QSER1: variants seen among roughly 807,000 people sequenced by gnomAD.
QSER1 encodes glutamine and serine-rich protein 1.
QSER1 carries 49 observed loss-of-function variants against 158.5 expected under a neutral mutation model. The ratio of observed to expected loss-of-function variants is 0.31; its 90% CI spans 0.25 to 0.39. The LOEUF (loss-of-function observed/expected upper bound fraction) is 0.39. Ranked by LOEUF, QSER1 falls within the 10% of genes least tolerant of loss-of-function variation. QSER1 has a pLI of 1.00. For synonymous variants in QSER1, 650 were observed against 715.5 expected (o/e 0.91, Z 1.46); for missense variants, 1,754 against 2,010.3 (o/e 0.87, Z 2.44).
rs2133551510 is a variant in QSER1 at position 32,934,743 on chromosome 11, G to A, written c.3485G>A (p.Gly1162Asp). The change falls in exon 4 of 13, where the codon GGT (glycine) becomes GAT (aspartate). Residue 1162 changes from glycine (G) to aspartate (D), a missense_variant. Around this residue, in one of 2 missense-constraint regions of QSER1, gnomAD observed 1,707 missense variants for 1,919.6 expected, o/e 0.89. Transcript: ENST00000650167. The stretch of plus-strand genomic sequence containing the variant: ...TTTACCTTAGGGGGTGACGACAGTG[G>A]TGTGTCAATGAACCCAGCTAGGAGT... The part of the protein sequence containing the change: ...SEFTLGGDDS[G>D]VSMNPARSAL... 6.2e-7 allele frequency: 1 copy of A among 1,613,940 alleles called. No individual in the cohort carries two copies. The highest frequency in any genetic ancestry group is 1.3e-5 in the African/African-American group (1 of 75,052).
intron 1 of QSER1, among the ~76,000 whole-genome samples, chr11:32,923,588 G>A (rs994488747): frequency 2.0e-5 from 3 of 151,908 alleles, no homozygotes; most frequent in Non-Finnish European, 4.4e-5. Flanking sequence ...TGAGGCAGGA[G>A]AATTGCTTGA....
At chr11:32,907,832 T>G (rs1851713530) in intron 1 of QSER1, among the ~76,000 whole-genome samples, 1 of 152,212 alleles carries the variant, frequency 6.6e-6, no homozygotes, top group Non-Finnish European at 1.5e-5. Context: ...GCACGGTGGC[T>G]CATGCCTGTA....
rs764132165 is a variant in QSER1 at position 32,935,243 on chromosome 11, CCCA to C, written c.3987_3989del (p.Thr1330del). On this transcript the variant is annotated inframe_deletion, in exon 4 of 13. Transcript: ENST00000650167. Reference sequence around the variant, plus strand: ...ACTTCCCAAGCCTTCATCTACAACACCCACACCTTTAGTGTCTGAAACTGGCGG... The same window carrying C: ...ACTTCCCAAGCCTTCATCTACAACACCACCTTTAGTGTCTGAAACTGGCGG... 6.2e-6 allele frequency: 10 copies of C among 1,613,856 alleles called. No homozygotes were observed. The African/African-American group carries it at 6.7e-5, about 11-fold the overall frequency.
intron 1 of QSER1, among the ~76,000 whole-genome samples, chr11:32,912,936 A>C (rs1015897679): frequency 5.9e-5 from 9 of 152,032 alleles, no homozygotes; most frequent in Non-Finnish European, 1.3e-4. Context: ...TTTAACTCTT[A>C]CTAAAATTCT....
chr11:32,930,941 A>T (rs1364726777), intron 3 of QSER1, among the ~76,000 whole-genome samples: 1 of 152,216 alleles, frequency 6.6e-6, no homozygotes, highest in African/African-American at 2.4e-5. Flanking sequence ...ACATGCATCT[A>T]TTATGATTGG....
intron 1 of QSER1, among the ~76,000 whole-genome samples, chr11:32,895,604 T>C (rs1434612808): frequency 6.6e-6 from 1 of 152,216 alleles, no homozygotes; most frequent in African/African-American, 2.4e-5. Flanking sequence ...TTTGTGGCAG[T>C]TTCTTGTGAA....
At chr11:32,925,638 G>A (rs150788843) in intron 1 of QSER1, among the ~76,000 whole-genome samples, 3,608 of 151,708 alleles carry the variant, frequency 0.024, 69 homozygotes, top group African/African-American at 0.054. Context: ...AGTGATTCTC[G>A]TGCCTCAACC....
At chr11:32,912,588 G>A (rs1851781191) in intron 1 of QSER1, among the ~76,000 whole-genome samples, 1 of 151,894 alleles carries the variant, frequency 6.6e-6, no homozygotes, top group Non-Finnish European at 1.5e-5. Flanking sequence ...CTAACCAGGC[G>A]ATGCTGATGA....
intron 1 of QSER1, among the ~76,000 whole-genome samples, chr11:32,898,216 C>T (rs934085111): frequency 2.6e-5 from 4 of 152,204 alleles, no homozygotes; most frequent in African/African-American, 9.6e-5. Context: ...CGTGATATCT[C>T]ACGCCTGTAA....
At chr11:32,899,173 A>G (rs1359316331) in intron 1 of QSER1, among the ~76,000 whole-genome samples, 1 of 152,180 alleles carries the variant, frequency 6.6e-6, no homozygotes, top group Non-Finnish European at 1.5e-5. Context: ...TTTTGCTGTT[A>G]TATTTGTAGT....
rs908357556 is a variant in QSER1, at chr11:32,977,202, T to G, written c.*728T>G. 1.3e-5 allele frequency: 2 copies of G among 152,648 alleles called. No individual in the cohort carries two copies. Among genetic ancestry groups the G allele is most frequent in the Non-Finnish European group, 2.9e-5 (2 of 68,050 alleles). The allele number at this position is 152,648 out of a possible 1,614,324, so 9.5% of individuals were successfully genotyped here. ...AAAATTTTCAATTGTACATTTTATT[T>G]CACTGATAGTTGTATTTTTCACAAG... On this transcript the variant is annotated 3_prime_UTR_variant, in exon 13 of 13. Transcript: ENST00000650167.
chr11:32,965,353 A>C (rs1270804516), intron 8 of QSER1, among the ~76,000 whole-genome samples: 5 of 152,066 alleles, frequency 3.3e-5, no homozygotes, highest in Admixed American at 3.3e-4. Context: ...GGGCTCAAGC[A>C]GTCCTCCCAC....
At chr11:32,952,098 C>T (rs1296911094) in intron 4 of QSER1, among the ~76,000 whole-genome samples, 1 of 152,156 alleles carries the variant, frequency 6.6e-6, no homozygotes, top group African/African-American at 2.4e-5. Context: ...CCTCAGCCTC[C>T]CAAAGTGCTG....
At chr11:32,939,698 T>A (rs116399997) in intron 4 of QSER1, among the ~76,000 whole-genome samples, 150 of 152,284 alleles carry the variant, frequency 9.9e-4, no homozygotes, top group African/African-American at 3.5e-3. Context: ...CTGTTGTAGG[T>A]CTGTTTTAGC....
At chr11:32,915,114 C>T (rs1851815986) in intron 1 of QSER1, among the ~76,000 whole-genome samples, 2 of 152,228 alleles carry the variant, frequency 1.3e-5, no homozygotes, top group Admixed American at 6.5e-5. Flanking sequence ...CACTGTGTTG[C>T]CCAGGCTGAT....
chr11:32,949,525 A>G (rs893144209), intron 4 of QSER1, among the ~76,000 whole-genome samples: 12 of 152,204 alleles, frequency 7.9e-5, no homozygotes, highest in African/African-American at 2.7e-4. Context: ...TTTACATTTA[A>G]TACTTGTCAA....
chr11:32,894,873 T>C (rs1034248476), intron 1 of QSER1, among the ~76,000 whole-genome samples: 1 of 152,224 alleles, frequency 6.6e-6, no homozygotes, highest in African/African-American at 2.4e-5. Context: ...CACCCATTAT[T>C]TCTTGCTGAT....
chr11:32,924,000 C>T (rs1389345318), intron 1 of QSER1, among the ~76,000 whole-genome samples: 2 of 152,026 alleles, frequency 1.3e-5, no homozygotes, highest in Non-Finnish European at 1.5e-5. Context: ...TGAATTCTAC[C>T]TATGCAAATT....
At chr11:32,917,736 C>T (rs1313994339) in intron 1 of QSER1, among the ~76,000 whole-genome samples, 3 of 147,624 alleles carry the variant, frequency 2.0e-5, no homozygotes, top group Admixed American at 1.4e-4. Context: ...GCAGGAGAAT[C>T]GCTTGAACCT....
Sources: allele counts gnomAD v4.1 joint callset (sites outside exome capture counted in the v4.1 genomes callset), GRCh38; gene constraint gnomAD v4.1.1; regional missense constraint gnomAD v4.1.1; transcripts MANE v1.5; gene names NCBI Gene and HGNC (gene_info 2026-07-23, HGNC 2026-07-21).